Variants in G2E3 observed in about 807,000 individuals in gnomAD.
G2E3 encodes G2/M phase-specific E3 ubiquitin-protein ligase.
In G2E3, 35 loss-of-function variants were observed where a neutral mutation model predicts 92.8. That is an observed-to-expected ratio of 0.38 (90% CI 0.29 to 0.50). The LOEUF is 0.50. Ranked by LOEUF, G2E3 falls within the 20% of genes least tolerant of loss-of-function variation. G2E3 has a pLI of 0.94. For synonymous variants in G2E3, 242 were observed against 272.4 expected, an observed-to-expected ratio of 0.89 and a Z score of 1.10; for missense variants, 554 against 823.8, an observed-to-expected ratio of 0.67 and a Z score of 4.01.
Position 30,568,467 on chromosome 14 carries a change from C to T in G2E3, c.-5+9195C>T, listed in dbSNP as rs563331164. Among the ~76,000 whole-genome samples, 26 of 152,126 alleles carry T rather than the reference C, an allele frequency of 1.7e-4. No homozygotes were observed. In the South Asian group the frequency reaches 2.5e-3, roughly 15 times the overall value. ...TATTTGTTTTCTAAATACTATCTTT[C>T]TGTTCCTCATTTCCTTCCTTATTGC... On this transcript the variant is annotated intron_variant, in intron 1 of 14. Coordinates refer to ENST00000206595, the MANE Select transcript of G2E3 (RefSeq NM_017769.5).
intron 1 of G2E3, among the ~76,000 whole-genome samples, chr14:30,577,223 C>CAAAAAAAAAAAAAAAAA (rs59757142): frequency 3.7e-5 from 3 of 80,740 alleles, no homozygotes; most frequent in Non-Finnish European, 5.1e-5. Flanking sequence ...GACTCTGTCT[C>CAAAAAAAAAAAAAAAAA]AAAAAAAAAA....
intron 12 of G2E3, 55 bp from the exon 13 acceptor site, chr14:30,612,152 G>C (rs770576561): frequency 8.3e-7 from 1 of 1,209,578 alleles, no homozygotes; most frequent in South Asian, 1.3e-5. Flanking sequence ...TTTGAAATGT[G>C]CATGTCACTC....
At chr14:30,565,431 G>T (rs912807787) in intron 1 of G2E3, among the ~76,000 whole-genome samples, 3 of 151,980 alleles carry the variant, frequency 2.0e-5, no homozygotes, top group African/African-American at 7.2e-5. Flanking sequence ...GTCATTAGAT[G>T]CACAAGTTTT....
chr14:30,599,763 T>G (rs1460641363), intron 8 of G2E3, among the ~76,000 whole-genome samples: 1 of 152,206 alleles, frequency 6.6e-6, no homozygotes, highest in Non-Finnish European at 1.5e-5. Flanking sequence ...AAATATATGT[T>G]ATTTAACTTT....
Position 30,599,621 on chromosome 14 carries a change from C to G in G2E3, c.752+1022C>G, listed in dbSNP as rs1346192194. ...CTTCAACATATGAAGTGGGGAGAGA[C>G]ACATTTCAGCCCATAGTCATATTAT... On this transcript the variant is annotated intron_variant, in intron 8 of 14. Coordinates refer to ENST00000206595, the MANE Select transcript of G2E3 (RefSeq NM_017769.5). Among the ~76,000 whole-genome samples the G allele has an allele frequency of 2.6e-5, 4 of 152,158 alleles. 1 individual carries two copies. Among genetic ancestry groups the G allele is most frequent in the Admixed American group, 2.6e-4 (4 of 15,278 alleles).
intron 1 of G2E3, among the ~76,000 whole-genome samples, chr14:30,579,267 C>T (rs1787290755): frequency 6.6e-6 from 1 of 152,158 alleles, no homozygotes; most frequent in South Asian, 2.1e-4. Flanking sequence ...CTACTTAACT[C>T]TAAAGCCCCC....
chr14:30,574,943 T>C (rs1265710423), intron 1 of G2E3, among the ~76,000 whole-genome samples: 1 of 152,230 alleles, frequency 6.6e-6, no homozygotes. Flanking sequence ...ATATACCCAG[T>C]AATGAGATTG....
chr14:30,615,150 TATC>T (rs1414645654), intron 13 of G2E3, among the ~76,000 whole-genome samples, 196 bp from the exon 14 acceptor site: 4 of 152,198 alleles, frequency 2.6e-5, no homozygotes, highest in African/African-American at 9.6e-5. Context: ...GATTTGAAAG[TATC>T]ATGTGTAGTA....
intron 10 of G2E3, among the ~76,000 whole-genome samples, chr14:30,603,518 C>T (rs1027629335): frequency 1.3e-5 from 2 of 151,992 alleles, no homozygotes; most frequent in African/African-American, 2.4e-5. Flanking sequence ...GAAAATTAGT[C>T]GCTAAGCATG....
chr14:30,604,601 T>C (rs923402344), intron 10 of G2E3, among the ~76,000 whole-genome samples: 4 of 152,210 alleles, frequency 2.6e-5, no homozygotes, highest in African/African-American at 4.8e-5. Context: ...CTGCTGCTGC[T>C]GCTGGTCTGG....
At chr14:30,586,281 G>T (rs929911239) in intron 2 of G2E3, among the ~76,000 whole-genome samples, 4 of 152,302 alleles carry the variant, frequency 2.6e-5, no homozygotes, top group African/African-American at 7.2e-5. Flanking sequence ...CCACTGCCCA[G>T]CTGGGCAGTG....
chr14:30,580,036 G>A (rs1880340586), intron 1 of G2E3, among the ~76,000 whole-genome samples: 1 of 152,134 alleles, frequency 6.6e-6, no homozygotes, highest in Non-Finnish European at 1.5e-5. Flanking sequence ...TTTAACTAGT[G>A]GAGAGTGAGG....
chr14:30,592,316 C>T lies in G2E3; in HGVS notation c.238-7C>T, dbSNP rs113720438. ...GTTGTGACCCCTATTTTCACATACT[C>T]TTCTAGAAATGCTGTGTTTGCAAGA... On this transcript the variant is annotated splice_region_variant and splice_polypyrimidine_tract_variant and intron_variant, in intron 4 of 14. Coordinates refer to ENST00000206595, the MANE Select transcript of G2E3 (RefSeq NM_017769.5). The T allele has an allele frequency of 4.7e-4, 765 of 1,611,778 alleles. No individual in the cohort carries two copies. Among genetic ancestry groups the T allele is most frequent in the Non-Finnish European group, 6.3e-4 (737 of 1,178,240 alleles).
chr14:30,583,596 C>T (rs138319087), intron 2 of G2E3, among the ~76,000 whole-genome samples: 86 of 152,246 alleles, frequency 5.6e-4, no homozygotes, highest in African/African-American at 1.9e-3. Context: ...ATCTGTTGTA[C>T]AACATGGTGA....
chr14:30,607,300 CAGT>C (rs1881875577), intron 11 of G2E3, among the ~76,000 whole-genome samples: 1 of 152,044 alleles, frequency 6.6e-6, no homozygotes, highest in Non-Finnish European at 1.5e-5. Flanking sequence ...AGAAATGTGT[CAGT>C]AGGCAATTTC....
Position 30,616,331 on chromosome 14 carries a change from A to C in G2E3, c.1918A>C (p.Ser640Arg). 4 of 1,609,304 alleles carry C rather than the reference A, an allele frequency of 2.5e-6. No individual in the cohort carries two copies. Among genetic ancestry groups the C allele is most frequent in the Non-Finnish European group, 3.4e-6 (4 of 1,175,864 alleles). The change falls in exon 15 of 15, where the codon AGT becomes CGT. Residue 640 changes from serine (S) to arginine (R), a missense_variant. Physicochemically the swap from Ser to Arg is moderately radical, Grantham distance 110. Transcript: ENST00000206595. ...EDILIFATGC[S>R]SIPPAGFKPT... ...CATTCTTATTTTTGCAACTGGTTGC[A>C]GTTCCATTCCTCCAGCTGGATTTAA...
At chr14:30,607,457 A>G (rs1566550055) in intron 11 of G2E3, among the ~76,000 whole-genome samples, 1 of 152,172 alleles carries the variant, frequency 6.6e-6, no homozygotes, top group Non-Finnish European at 1.5e-5. Flanking sequence ...GACAATTGTA[A>G]CACAATGGTA....
intron 8 of G2E3, among the ~76,000 whole-genome samples, chr14:30,600,361 T>C (rs772022032): frequency 1.3e-5 from 2 of 152,132 alleles, no homozygotes; most frequent in Non-Finnish European, 2.9e-5. Flanking sequence ...TTTAATGCTA[T>C]TAAACCAAAA....
chr14:30,579,410 A>AT (rs1326277444), intron 1 of G2E3, among the ~76,000 whole-genome samples: 1 of 152,218 alleles, frequency 6.6e-6, no homozygotes, highest in African/African-American at 2.4e-5. Flanking sequence ...GATTTGAACT[A>AT]TGACTTTTTA....
Sources: allele counts gnomAD v4.1 joint callset (sites outside exome capture counted in the v4.1 genomes callset), GRCh38; gene constraint gnomAD v4.1.1; transcripts MANE v1.5; gene names NCBI Gene and HGNC (gene_info 2026-07-23, HGNC 2026-07-21).